UBR4: variants seen among roughly 807,000 people sequenced by gnomAD.
UBR4 encodes ubiquitin protein ligase E3 component n-recognin 4.
In UBR4, 124 loss-of-function variants were observed where a neutral mutation model predicts 575.6. The observed-to-expected ratio is 0.22, with a 90% CI of 0.19 to 0.25. The LOEUF (loss-of-function observed/expected upper bound fraction) is 0.25, where lower values mean the gene tolerates loss of function less well. UBR4 is among the 10% of genes least tolerant of loss of function. The pLI, the probability that UBR4 is intolerant of heterozygous loss-of-function variation, is 1.00. For missense variants in UBR4, 4,818 were observed against 6,478.8 expected (o/e 0.74, Z 8.80); for synonymous variants, 2,455 against 2,473.7 (o/e 0.99, Z 0.22).
rs2091284715 is a variant in UBR4 at position 19,184,026 on chromosome 1, A to G, written c.2088T>C (p.Asp696=). The stretch of plus-strand genomic sequence containing the variant: ...ATCTTGTCTACTGACCCTTGAGTCC[A>G]TCTTTGTCCACCTCCTTGATGATAC... ...LASIIKEVDK[D]GLKGSSDEEF... is the part of the protein sequence containing the mutation. Residue 696 remains aspartate, a synonymous_variant, in exon 16 of 106, where the codon GAT becomes GAC. Transcript: ENST00000375254. 1.2e-6 allele frequency: 2 copies of G among 1,614,168 alleles called. No individual in the cohort carries two copies. The highest frequency in any genetic ancestry group is 1.7e-6 in the Non-Finnish European group (2 of 1,179,996).
At position 19,141,001 on chromosome 1, in the gene UBR4, C is replaced by A. The variant is rs572467217; in HGVS notation, c.8489-109G>T. 10 of 1,192,938 alleles carry A rather than the reference C, an allele frequency of 8.4e-6. No individual in the cohort carries two copies. The Admixed American group carries it at 2.0e-4, about 24-fold the overall frequency. The allele number at this position is 1,192,938 out of a possible 1,614,324, so 73.9% of individuals were successfully genotyped here. ...GTCTCCAAACACCAGCATGTGACCC[C>A]CTCTGGCCTAGAGGAAGTTAGCTAG... On this transcript the variant is annotated intron_variant, in intron 57 of 105. Coordinates refer to ENST00000375254, the MANE Select transcript of UBR4 (RefSeq NM_020765.3).
Position 19,153,614 on chromosome 1 carries a change from A to G in UBR4, c.6631-112T>C. On this transcript the variant is annotated intron_variant, in intron 45 of 105. Transcript: ENST00000375254. The surrounding 1 kb of genome is among the most constrained non-coding windows in gnomAD (Gnocchi z 4.1). ...TTCATGGTCAGTTGAGGGGCTGTACAGAAGGGTGGCAAAGAAAAGGCATCT... is the reference window on the plus strand; with the variant it reads ...TTCATGGTCAGTTGAGGGGCTGTACGGAAGGGTGGCAAAGAAAAGGCATCT... 6.8e-7 allele frequency: 1 copy of G among 1,475,210 alleles called. No homozygotes were observed. The highest frequency in any genetic ancestry group is 9.2e-7 in the Non-Finnish European group (1 of 1,082,116). 91.4% of individuals were successfully genotyped at this position (1,475,210 alleles called of 1,614,324 possible).
In UBR4 at chr1:19,123,058, G is replaced by A. The variant is rs374770673; in HGVS notation, c.9591C>T (p.Tyr3197=). 13 of 1,614,072 alleles carry A rather than the reference G, an allele frequency of 8.1e-6. No homozygotes were observed. The Middle Eastern group carries it at 4.9e-4, about 61-fold the overall frequency. ...CAAATGGAGTCTGCTGGATCATGAG[G>A]TACTTGAGAAGAAAAACACCACAAA... ...DHSWFYFLSE[Y]LMIQQTPFVR... is the part of the protein sequence containing the mutation. The change falls in exon 66 of 106, where the codon TAC becomes TAT. Residue 3197 remains tyrosine, a splice_region_variant and synonymous_variant. Transcript: ENST00000375254.
At chr1:19,077,807 C>T (rs1450275905) in intron 104 of UBR4, 169 bp downstream of exon 104, 1 of 1,538,764 alleles carries the variant, frequency 6.5e-7, no homozygotes, top group African/African-American at 1.4e-5. Flanking sequence ...AGGCTCCAGG[C>T]TGCCAGTGTC....
chr1:19,124,363 C>A, intron 65 of UBR4, 178 bp downstream of exon 65: 2 of 751,514 alleles, frequency 2.7e-6, no homozygotes, highest in Non-Finnish European at 2.0e-6. Flanking sequence ...GTTTGATACA[C>A]ATCTCCCACA....
At chr1:19,114,694 C>A (rs2080286023) in intron 75 of UBR4, 117 bp downstream of exon 75, 1 of 1,332,758 alleles carries the variant, frequency 7.5e-7, no homozygotes, top group East Asian at 2.3e-5. Context: ...GGCCCTGAAA[C>A]TGGTGTTGAG....
Position 19,157,415 on chromosome 1 carries a change from G to A in UBR4, c.5760+400C>T, listed in dbSNP as rs1284801169. On this transcript the variant is annotated intron_variant, in intron 40 of 105. Coordinates refer to ENST00000375254, the MANE Select transcript of UBR4 (RefSeq NM_020765.3). The surrounding 1 kb of genome is among the most constrained non-coding windows in gnomAD (Gnocchi z 4.4). The stretch of plus-strand genomic sequence containing the variant: ...TTACTTATGTGCTTAACAGAGCTGG[G>A]ATGGCACGGCAGCACTACATAAGCA... Among the ~76,000 whole-genome samples, 1 of 152,196 alleles carries A rather than the reference G, an allele frequency of 6.6e-6. No individual in the cohort carries two copies. The highest frequency in any genetic ancestry group is 1.5e-5 in the Non-Finnish European group (1 of 68,034).
chr1:19,176,334 T>A (rs1320764037), intron 20 of UBR4, among the ~76,000 whole-genome samples: 1 of 151,860 alleles, frequency 6.6e-6, no homozygotes, highest in Non-Finnish European at 1.5e-5. Flanking sequence ...CCTCAAATGA[T>A]CTGCCCGCCT....
intron 105 of UBR4, 48 bp from the exon 106 acceptor site, chr1:19,074,944 C>T: frequency 6.3e-7 from 1 of 1,597,984 alleles, no homozygotes; most frequent in East Asian, 2.2e-5. Context: ...GCATACAGCC[C>T]CCATTCCCCC....
chr1:19,170,380 C>T (rs549348966), intron 26 of UBR4, among the ~76,000 whole-genome samples: 1 of 152,240 alleles, frequency 6.6e-6, no homozygotes, highest in African/African-American at 2.4e-5. Context: ...GCCTGGGTGA[C>T]AGGGCAAGAC....
intron 26 of UBR4, 91 bp from the exon 27 acceptor site, chr1:19,169,623 C>T (rs2089179784): frequency 1.0e-6 from 1 of 959,596 alleles, no homozygotes; most frequent in African/African-American, 1.6e-5. Context: ...CAGAAAGAAA[C>T]AGTACAGCCC....
In UBR4 at chr1:19,088,612, C is replaced by T. The variant is rs1001233494; in HGVS notation, c.14430+147G>A. ...GTATGATAGAACGATAGTAGTTCCA[C>T]CTCTGAGAGGGCCGAACACACCTAG... On this transcript the variant is annotated intron_variant, in intron 98 of 105. Transcript: ENST00000375254. This position sits in a 1 kb window ranked among gnomAD's most constrained non-coding sequence, Gnocchi z 4.0. 8.4e-6 allele frequency: 6 copies of T among 717,364 alleles called. No individual in the cohort carries two copies. In the African/African-American group the frequency reaches 8.9e-5, roughly 11 times the overall value. The allele number at this position is 717,364 out of a possible 1,614,324, so 44.4% of individuals were successfully genotyped here.
chr1:19,161,599 C>T lies in UBR4; in HGVS notation c.5165G>A (p.Gly1722Asp). ...FFCDCGAKED[G>D]SCLALVKRTP... ...GGAGGGTCCTCTCACCAAACAGCTG[C>T]CATCTTCCTTGGCTCCACAGTCACA... The change falls in exon 37 of 106, where the codon GGC becomes GAC. Residue 1722 changes from glycine to aspartate, a missense_variant. Gly to Asp is a moderately conservative substitution (Grantham distance 94). This residue lies in a region of UBR4 where 159 missense variants were observed against 174.6 expected (regional missense o/e 0.91). Transcript: ENST00000375254. 1 of 1,608,146 alleles carries T rather than the reference C, an allele frequency of 6.2e-7. No homozygotes were observed. The highest frequency in any genetic ancestry group is 8.5e-7 in the Non-Finnish European group (1 of 1,177,352).
At position 19,081,419 on chromosome 1, in the gene UBR4, G is replaced by A. The variant is rs376884564; in HGVS notation, c.15163C>T (p.Arg5055Cys). The A allele has an allele frequency of 3.7e-5, 60 of 1,613,864 alleles. No individual in the cohort carries two copies. The highest frequency in any genetic ancestry group is 1.6e-4 in the Middle Eastern group (1 of 6,082). The change falls in exon 103 of 106, where the codon CGT (arginine) becomes TGT (cysteine). Residue 5055 changes from arginine to cysteine, a missense_variant. This residue lies in a region of UBR4 where 212 missense variants were observed against 221.3 expected (regional missense o/e 0.96). Transcript: ENST00000375254. ...ILPPEQWRAT[R>C]VEILRRLLVT... ...AACAGCCTCCGCAAGATTTCCACAC[G>A]TGTGGCTCTCCACTGCTCAGGGGGC...
In UBR4 at chr1:19,169,499, A is replaced by G; in HGVS notation, c.3677T>C (p.Val1226Ala). 4 of 1,613,986 alleles carry G rather than the reference A, an allele frequency of 2.5e-6. No homozygotes were observed. The highest frequency in any genetic ancestry group is 3.4e-6 in the Non-Finnish European group (4 of 1,179,954). ...GTTCCAGGACTCACACACAGTCTGC[A>G]CTGACGATGGCAAATTCTGAACCAG... ...PTLVQNLPSSVQTVCESWNNI... is the reference protein window; with the variant it reads ...PTLVQNLPSSAQTVCESWNNI... The change falls in exon 27 of 106, where the codon GTG (valine) becomes GCG (alanine). Residue 1226 changes from valine (V) to alanine (A), a missense_variant. By Grantham distance (64) the Val-to-Ala change is moderately conservative. Transcript: ENST00000375254.
At chr1:19,183,727 A>G in intron 17 of UBR4, 84 bp downstream of exon 17, 1 of 1,394,536 alleles carries the variant, frequency 7.2e-7, no homozygotes, top group South Asian at 1.2e-5. Flanking sequence ...ATCTCAAAAA[A>G]ACAAACAAAC....
intron 97 of UBR4, among the ~76,000 whole-genome samples, chr1:19,090,366 G>A (rs1261813409): frequency 6.6e-6 from 1 of 152,070 alleles, no homozygotes; most frequent in African/African-American, 2.4e-5. Flanking sequence ...CCAGGGCACT[G>A]CCCTCAGGAG....
intron 5 of UBR4, among the ~76,000 whole-genome samples, chr1:19,198,260 T>C (rs1571775750): frequency 6.6e-6 from 1 of 152,292 alleles, no homozygotes; most frequent in East Asian, 1.9e-4. Context: ...ATAACCAAAA[T>C]GGAGTGATGC....
intron 1 of UBR4, among the ~76,000 whole-genome samples, chr1:19,202,594 C>T (rs61766807): frequency 0.073 from 11,061 of 152,174 alleles, 582 homozygotes; most frequent in Non-Finnish European, 0.12. Flanking sequence ...TTATCCCCTA[C>T]ACCATCCCCC....
Sources: allele counts gnomAD v4.1 joint callset (sites outside exome capture counted in the v4.1 genomes callset), GRCh38; gene constraint gnomAD v4.1.1; regional missense constraint gnomAD v4.1.1; non-coding constraint Gnocchi (gnomAD v3.1); transcripts MANE v1.5; gene names NCBI Gene and HGNC (gene_info 2026-07-23, HGNC 2026-07-21).